The following GPD2 variants were observed in gnomAD, a reference collection of about 807,000 sequenced individuals.
GPD2 encodes glycerol-3-phosphate dehydrogenase 2.
Under a neutral mutation model 82.4 loss-of-function variants are expected in GPD2, and 54 were observed. That is an observed-to-expected ratio of 0.66 (90% CI 0.53 to 0.82). The LOEUF is 0.82. Among genes scored for constraint, GPD2 ranks in the 40% least tolerant of loss-of-function variants. The probability of loss-of-function intolerance (pLI) is 0.00; values close to 1 mark genes in which losing one functional copy is unlikely to be tolerated. For synonymous variants in GPD2, 288 were observed against 306.1 expected (o/e 0.94, Z 0.62); for missense variants, 748 against 896.2 (o/e 0.83, Z 2.11).
intron 1 of GPD2, among the ~76,000 whole-genome samples, chr2:156,446,116 G>T (rs911799875): frequency 7.0e-5 from 10 of 142,738 alleles, no homozygotes; most frequent in African/African-American, 2.6e-4. Flanking sequence ...TATTTTTTTT[G>T]AGATGAGTCT....
chr2:156,414,812 T>A, the GPD2 span, among the ~76,000 whole-genome samples: 1 of 152,194 alleles, frequency 6.6e-6, no homozygotes, highest in African/African-American at 2.4e-5. Flanking sequence ...GGAGATGTCA[T>A]CAATTATTCC....
chr2:156,465,817 G>T (rs1453491872), intron 1 of GPD2, among the ~76,000 whole-genome samples: 1 of 152,156 alleles, frequency 6.6e-6, no homozygotes, highest in Non-Finnish European at 1.5e-5. Context: ...GACTAGTATG[G>T]TCTGTTTGAC....
intron 1 of GPD2, among the ~76,000 whole-genome samples, chr2:156,469,433 A>G (rs1326020988): frequency 6.6e-6 from 1 of 152,146 alleles, no homozygotes; most frequent in Non-Finnish European, 1.5e-5. Context: ...CCAAAGTGCT[A>G]GGATTACAGG....
intron 4 of GPD2, among the ~76,000 whole-genome samples, chr2:156,511,212 T>C (rs1261914648): frequency 2.6e-5 from 4 of 152,222 alleles, no homozygotes; most frequent in Non-Finnish European, 4.4e-5. Context: ...TTTTTGCCAA[T>C]GGCTACCAAA....
In GPD2 at chr2:156,557,569, T is replaced by C; in HGVS notation, c.1152T>C (p.Ser384=). 1 of 1,573,730 alleles carries C rather than the reference T, an allele frequency of 6.4e-7. No homozygotes were observed. The highest frequency in any genetic ancestry group is 1.1e-5 in the South Asian group (1 of 90,318). The change falls in exon 9 of 17, where the codon AGT becomes AGC. Residue 384 remains serine, a synonymous_variant. Coordinates refer to ENST00000438166, the MANE Select transcript of GPD2 (RefSeq NM_000408.5). ...FILNEVRNYL[S]CDVEVRRGDV... ...TGAATGAAGTGCGTAATTACCTGAG[T>C]TGTGATGTTGAAGGTAACTAAGCAT...
chr2:156,451,923 G>C (rs1267822680), intron 1 of GPD2, among the ~76,000 whole-genome samples: 2 of 151,020 alleles, frequency 1.3e-5, no homozygotes, highest in South Asian at 4.3e-4. Context: ...ACGGGGTCGC[G>C]GCCGGGCAGA....
intron 13 of GPD2, 36 bp from the exon 14 acceptor site, chr2:156,578,853 A>T: frequency 8.6e-7 from 1 of 1,165,786 alleles, no homozygotes; most frequent in Non-Finnish European, 1.3e-6. Context: ...CAATATTTCC[A>T]TGTGTCTTTG....
At chr2:156,440,219 T>C (rs958555089) in intron 1 of GPD2, among the ~76,000 whole-genome samples, 1 of 152,202 alleles carries the variant, frequency 6.6e-6, no homozygotes, top group Non-Finnish European at 1.5e-5. Context: ...GTTGACATGA[T>C]GCGTGAAAGA....
chr2:156,411,983 G>A, the GPD2 span, among the ~76,000 whole-genome samples: 615 of 152,182 alleles, frequency 4.0e-3, 4 homozygotes, highest in Non-Finnish European at 6.9e-3. Context: ...TTTACCATCC[G>A]GAGCAAAAGT....
At chr2:156,550,115 A>G (rs1558955870) in intron 7 of GPD2, among the ~76,000 whole-genome samples, 1 of 152,240 alleles carries the variant, frequency 6.6e-6, no homozygotes, top group African/African-American at 2.4e-5. Context: ...TTTGGGTGAC[A>G]CAGGCATTGT....
rs1037242307 is a variant in GPD2 at position 156,584,024 on chromosome 2, C to T, written c.*1106C>T. 6.6e-6 allele frequency: 1 copy of T among 151,870 alleles called. No homozygotes were observed. The highest frequency in any genetic ancestry group is 2.4e-5 in the African/African-American group (1 of 41,376). 9.4% of individuals were successfully genotyped at this position (151,870 alleles called of 1,614,324 possible). ...GCACATAACCAGTTTCCAAGGTCAT[C>T]ATGGTTGCTTAAAGTCTTTCCCCTT... is the stretch of plus-strand genomic sequence containing the variant. On this transcript the variant is annotated 3_prime_UTR_variant, in exon 17 of 17. Transcript: ENST00000438166.
At chr2:156,577,720 C>T (rs1363669096) in intron 13 of GPD2, among the ~76,000 whole-genome samples, 1 of 152,148 alleles carries the variant, frequency 6.6e-6, no homozygotes, top group Non-Finnish European at 1.5e-5. Context: ...TACTCAATAA[C>T]AGTCAATTTC....
At chr2:156,567,693 A>G (rs368700907) in intron 9 of GPD2, among the ~76,000 whole-genome samples, 1 of 152,160 alleles carries the variant, frequency 6.6e-6, no homozygotes, top group African/African-American at 2.4e-5. Flanking sequence ...CCCATAGCTA[A>G]GCCATTCCTG....
At chr2:156,532,073 A>G (rs1685884048) in intron 6 of GPD2, among the ~76,000 whole-genome samples, 1 of 152,116 alleles carries the variant, frequency 6.6e-6, no homozygotes. Flanking sequence ...AGTGATCACA[A>G]CTCACTGCAG....
intron 1 of GPD2, among the ~76,000 whole-genome samples, chr2:156,441,019 G>T (rs1443774767): frequency 6.6e-6 from 1 of 152,166 alleles, no homozygotes; most frequent in East Asian, 1.9e-4. Context: ...CCGGGGAGAG[G>T]AGAGGGGCTG....
the GPD2 span, among the ~76,000 whole-genome samples, chr2:156,417,411 G>T: frequency 2.6e-5 from 4 of 152,088 alleles, no homozygotes; most frequent in Admixed American, 2.6e-4. Flanking sequence ...TTAAACATAT[G>T]TCAGGAGAGG....
the GPD2 span, among the ~76,000 whole-genome samples, chr2:156,413,481 G>A: frequency 0.2 from 30,690 of 151,788 alleles, 3,981 homozygotes; most frequent in East Asian, 0.54. Context: ...CTACGTGGGA[G>A]GCTGAGGCAG....
At position 156,440,709 on chromosome 2, in the gene GPD2, G is replaced by A. The variant is rs1382124840; in HGVS notation, c.-9+4196G>A. Among the ~76,000 whole-genome samples the A allele has an allele frequency of 3.9e-5, 6 of 152,062 alleles. No homozygotes were observed. In the East Asian group the frequency reaches 7.7e-4, roughly 20 times the overall value. On this transcript the variant is annotated intron_variant, in intron 1 of 16. Coordinates refer to ENST00000438166, the MANE Select transcript of GPD2 (RefSeq NM_000408.5). ...TTCTGATTTATTTAGGTCAAGCTTCGGTTCAATTAGTTCACAAAATTAGTG... is the reference window on the plus strand; with the variant it reads ...TTCTGATTTATTTAGGTCAAGCTTCAGTTCAATTAGTTCACAAAATTAGTG...
chr2:156,458,341 T>A (rs557660519), intron 1 of GPD2, among the ~76,000 whole-genome samples: 1 of 152,216 alleles, frequency 6.6e-6, no homozygotes, highest in Admixed American at 6.5e-5. Context: ...TCCAGGAAGG[T>A]TGATCAGCTT....
Sources: allele counts gnomAD v4.1 joint callset (sites outside exome capture counted in the v4.1 genomes callset), GRCh38; gene constraint gnomAD v4.1.1; transcripts MANE v1.5; gene names NCBI Gene and HGNC (gene_info 2026-07-23, HGNC 2026-07-21).